Variants in SREK1 observed in about 807,000 individuals in gnomAD.
SREK1 encodes the protein splicing regulatory glutamine/lysine-rich protein 1.
In SREK1, 13 loss-of-function variants were observed where a neutral mutation model predicts 66.5. That is an observed-to-expected ratio of 0.20 (90% CI 0.13 to 0.31). The LOEUF (loss-of-function observed/expected upper bound fraction) is 0.31. Ranked by LOEUF, SREK1 falls within the 10% of genes least tolerant of loss-of-function variation. SREK1 has a pLI of 1.00. For synonymous variants in SREK1, 265 were observed against 263.5 expected (o/e 1.01, Z -0.05); for missense variants, 607 against 769.6 (o/e 0.79, Z 2.50).
In SREK1 at chr5:66,179,653, A is replaced by G. The variant is rs1467713123; in HGVS notation, c.*785A>G. 1 of 152,496 alleles carries G rather than the reference A, an allele frequency of 6.6e-6. No individual in the cohort carries two copies. The highest frequency in any genetic ancestry group is 1.5e-5 in the Non-Finnish European group (1 of 67,952). The allele number at this position is 152,496 out of a possible 1,614,324, so 9.4% of individuals were successfully genotyped here. On this transcript the variant is annotated 3_prime_UTR_variant, in exon 12 of 12. Transcript: ENST00000334121. ...CTTGACATTTCCAAGCTTATTATGA[A>G]TAATATTGCAGTGTGTCTTGTCAGC... is the stretch of plus-strand genomic sequence containing the variant.
At position 66,174,217 on chromosome 5, in the gene SREK1, T is replaced by C. The variant is rs72770237; in HGVS notation, c.1485-729T>C. Reference sequence around the variant, plus strand: ...TTCTGAGTTGAAGTAGTTTAGAATATGTATCATTTGCTAATCTGATAAGCA... The same window carrying C: ...TTCTGAGTTGAAGTAGTTTAGAATACGTATCATTTGCTAATCTGATAAGCA... On this transcript the variant is annotated intron_variant, in intron 9 of 11. Transcript: ENST00000334121. Among the ~76,000 whole-genome samples the C allele has an allele frequency of 2.5e-3, 380 of 152,298 alleles. 2 individuals are homozygous for C. The highest frequency in any genetic ancestry group is 3.4e-3 in the Middle Eastern group (1 of 294).
intron 3 of SREK1, among the ~76,000 whole-genome samples, chr5:66,160,368 G>A (rs1277119820): frequency 6.6e-6 from 1 of 152,162 alleles, no homozygotes; most frequent in Non-Finnish European, 1.5e-5. Context: ...CTGAAATTTT[G>A]AAGTGCAAAA....
intron 7 of SREK1, 92 bp downstream of exon 7, chr5:66,164,989 T>G (rs972268618): frequency 1.9e-5 from 24 of 1,232,502 alleles, no homozygotes; most frequent in Non-Finnish European, 2.7e-5. Context: ...TATCAGAAGT[T>G]AGAAATTTTA....
chr5:66,156,256 C>T (rs1744273567), intron 2 of SREK1: 4 of 1,304,806 alleles, frequency 3.1e-6, no homozygotes, highest in Non-Finnish European at 3.9e-6. Flanking sequence ...TTTATTTTGT[C>T]CCTTTTTTTG....
chr5:66,157,301 T>C (rs996340454), intron 2 of SREK1: 63 of 984,538 alleles, frequency 6.4e-5, no homozygotes, highest in Non-Finnish European at 7.4e-5. Context: ...TTGGCCAGTG[T>C]TGAATACCCT....
chr5:66,149,340 ACT>A (rs921193481), intron 1 of SREK1, among the ~76,000 whole-genome samples: 4 of 150,000 alleles, frequency 2.7e-5, no homozygotes, highest in African/African-American at 7.4e-5. Context: ...ACAGTGTGAA[ACT>A]CTGTCTCAAA....
chr5:66,174,076 C>T (rs977721223), intron 9 of SREK1, among the ~76,000 whole-genome samples: 2 of 149,932 alleles, frequency 1.3e-5, no homozygotes, highest in African/African-American at 5.1e-5. Context: ...ACATGAATTC[C>T]AGAGGATTTG....
At chr5:66,149,316 C>T (rs1183759770) in intron 1 of SREK1, among the ~76,000 whole-genome samples, 2 of 151,788 alleles carry the variant, frequency 1.3e-5, no homozygotes, top group Non-Finnish European at 2.9e-5. Context: ...CGCCATTGCA[C>T]TCCAGCTCGG....
intron 1 of SREK1, chr5:66,145,053 C>G: frequency 5.1e-6 from 5 of 985,908 alleles, no homozygotes; most frequent in Non-Finnish European, 3.6e-6. Context: ...GACGGTCGCA[C>G]AAACTTAGCA....
chr5:66,178,428 C>T (rs1320653789), intron 11 of SREK1, among the ~76,000 whole-genome samples: 1 of 151,986 alleles, frequency 6.6e-6, no homozygotes, highest in Non-Finnish European at 1.5e-5. Flanking sequence ...TTATTTCACT[C>T]TTTCAATAGA....
At chr5:66,152,002 C>T (rs1028818778) in intron 1 of SREK1, among the ~76,000 whole-genome samples, 15 of 151,796 alleles carry the variant, frequency 9.9e-5, no homozygotes, top group East Asian at 1.9e-4. Flanking sequence ...CCCGCCACCA[C>T]GCCTGGAGAA....
intron 1 of SREK1, chr5:66,145,110 C>T (rs1256360902): frequency 1.0e-6 from 1 of 985,530 alleles, no homozygotes; most frequent in East Asian, 1.1e-4. Context: ...AAGATCATGT[C>T]TGTTAGCCCT....
chr5:66,177,556 C>T lies in SREK1; in HGVS notation c.1623C>T (p.His541=). 2 of 1,608,174 alleles carry T rather than the reference C, an allele frequency of 1.2e-6. No individual in the cohort carries two copies. Among genetic ancestry groups the T allele is most frequent in the East Asian group, 2.2e-5 (1 of 44,602 alleles). The change falls in exon 11 of 12, where the codon CAC becomes CAT. Residue 541 remains histidine (H), a synonymous_variant. Coordinates refer to ENST00000334121, the MANE Select transcript of SREK1 (RefSeq NM_001077199.3). The part of the protein sequence containing the change: ...KDKKREKERD[H]ISERRERERS... ...AAAAGAGAGAAAAAGAAAGGGACCACATCAGTGAAAGAAGAGAGAGAGAAC... is the reference window on the plus strand; with the variant it reads ...AAAAGAGAGAAAAAGAAAGGGACCATATCAGTGAAAGAAGAGAGAGAGAAC...
intron 7 of SREK1, 109 bp from the exon 8 acceptor site, chr5:66,169,942 A>G: frequency 1.2e-6 from 1 of 841,638 alleles, no homozygotes; most frequent in Non-Finnish European, 1.7e-6. Flanking sequence ...AGTATTATTT[A>G]AGAGAAATTT....
chr5:66,177,776 A>C (rs980597283), intron 11 of SREK1, 118 bp downstream of exon 11: 1 of 750,970 alleles, frequency 1.3e-6, no homozygotes, highest in Non-Finnish European at 1.9e-6. Flanking sequence ...ATTTTATGGC[A>C]TTTTAAAATA....
chr5:66,149,811 A>G (rs1054790496), intron 1 of SREK1, among the ~76,000 whole-genome samples: 2 of 152,242 alleles, frequency 1.3e-5, no homozygotes, highest in Admixed American at 6.5e-5. Context: ...GTGTTACCCA[A>G]GGTACATCGA....
In SREK1 at chr5:66,162,166, A is replaced by G. The variant is rs1367623892; in HGVS notation, c.469A>G (p.Ile157Val). Residue 157 changes from isoleucine (I) to valine (V), a missense_variant, in exon 4 of 12, where the codon ATT becomes GTT. Around this residue, in one of 5 missense-constraint regions of SREK1, gnomAD observed 99 missense variants for 186.6 expected, o/e 0.53. Coordinates refer to ENST00000334121, the MANE Select transcript of SREK1 (RefSeq NM_001077199.3). ...AIPAAALDPN[I>V]ATLGEIPQPP... ...ACCAGCAGCAGCACTAGACCCCAAC[A>G]TTGCAACACTTGGAGAGATACCACA... is the stretch of plus-strand genomic sequence containing the variant. 10 of 1,613,988 alleles carry G rather than the reference A, an allele frequency of 6.2e-6. No individual in the cohort carries two copies. The highest frequency in any genetic ancestry group is 4.5e-5 in the East Asian group (2 of 44,890).
chr5:66,176,271 T>G (rs1428056946), intron 10 of SREK1, among the ~76,000 whole-genome samples: 2 of 152,180 alleles, frequency 1.3e-5, no homozygotes, highest in Non-Finnish European at 2.9e-5. Context: ...TTCTGTGCCC[T>G]TGGATTGGTT....
chr5:66,148,917 T>C (rs1743508645), intron 1 of SREK1, among the ~76,000 whole-genome samples: 1 of 152,252 alleles, frequency 6.6e-6, no homozygotes, highest in African/African-American at 2.4e-5. Context: ...GCTATCTGTT[T>C]GTTGGCTTGC....
Sources: allele counts gnomAD v4.1 joint callset (sites outside exome capture counted in the v4.1 genomes callset), GRCh38; gene constraint gnomAD v4.1.1; regional missense constraint gnomAD v4.1.1; transcripts MANE v1.5; gene names NCBI Gene and HGNC (gene_info 2026-07-23, HGNC 2026-07-21).